Variants in GRIK4 observed in about 807,000 individuals in gnomAD.
GRIK4 encodes glutamate receptor ionotropic, kainate 4.
In GRIK4, 40 loss-of-function variants were observed where a neutral mutation model predicts 104.9. The observed-to-expected ratio is 0.38, with a 90% CI of 0.30 to 0.50. GRIK4 has a LOEUF of 0.50. GRIK4 is among the 20% of genes least tolerant of loss of function. The probability of loss-of-function intolerance (pLI) is 0.93; values close to 1 mark genes in which losing one functional copy is unlikely to be tolerated. For synonymous variants in GRIK4, 485 were observed against 524.9 expected, an observed-to-expected ratio of 0.92 and a Z score of 1.04; for missense variants, 1,047 against 1,308.1, an observed-to-expected ratio of 0.80 and a Z score of 3.08.
intron 1 of GRIK4, among the ~76,000 whole-genome samples, chr11:120,519,548 C>T (rs1947771240): frequency 6.6e-6 from 1 of 152,198 alleles, no homozygotes; most frequent in Non-Finnish European, 1.5e-5. Context: ...GAGAAACAAA[C>T]TTCTATTGTT....
At chr11:120,844,454 T>C (rs1445542911) in intron 8 of GRIK4, among the ~76,000 whole-genome samples, 2 of 152,202 alleles carry the variant, frequency 1.3e-5, no homozygotes, top group African/African-American at 2.4e-5. Flanking sequence ...TTCATCACCA[T>C]AGATCCAGTG....
In GRIK4 at chr11:120,905,292, G is replaced by A. The variant is rs2156634; in HGVS notation, c.1275G>A (p.Glu425=). The change falls in exon 13 of 21, where the codon GAG becomes GAA. Residue 425 remains glutamate, a splice_region_variant and synonymous_variant. Transcript: ENST00000527524. This position sits in a 1 kb window ranked among gnomAD's most constrained non-coding sequence, Gnocchi z 5.1. The part of the protein sequence containing the change: ...NTTLVVTTIL[E]NPYLMLKGNH... ...ACAGCTGCCCAGTTTTGCTGCAGGA[G>A]AACCCATATTTAATGCTGAAGGGGA... 1,379,708 of 1,608,732 alleles carry A rather than the reference G, an allele frequency of 0.86. 592,800 individuals are homozygous for A. Among genetic ancestry groups the A allele is most frequent in the African/African-American group, 0.95 (70,806 of 74,910 alleles).
intron 3 of GRIK4, among the ~76,000 whole-genome samples, chr11:120,710,347 G>T (rs982111714): frequency 6.6e-6 from 1 of 152,204 alleles, no homozygotes; most frequent in Admixed American, 6.5e-5. Flanking sequence ...GAGGTTAGGA[G>T]GTCTGACTGA....
chr11:120,538,495 C>T (rs1948001498), intron 1 of GRIK4, among the ~76,000 whole-genome samples: 1 of 152,252 alleles, frequency 6.6e-6, no homozygotes, highest in South Asian at 2.1e-4. Context: ...AGCAGATTTC[C>T]CTTTCCTTTC....
chr11:120,935,594 T>G (rs1943579026), intron 13 of GRIK4, among the ~76,000 whole-genome samples: 2 of 152,210 alleles, frequency 1.3e-5, no homozygotes, highest in Non-Finnish European at 2.9e-5. Flanking sequence ...GTATTTACTT[T>G]GAAGCACTCA....
chr11:120,781,320 G>T (rs1004059358), intron 3 of GRIK4, among the ~76,000 whole-genome samples: 22 of 151,976 alleles, frequency 1.4e-4, no homozygotes, highest in African/African-American at 4.8e-4. Flanking sequence ...TGGGCATGGG[G>T]TCTGGCAATT....
intron 3 of GRIK4, among the ~76,000 whole-genome samples, chr11:120,781,799 C>G (rs1952162773): frequency 6.6e-6 from 1 of 152,146 alleles, no homozygotes; most frequent in Non-Finnish European, 1.5e-5. Context: ...GGTTTAGAAC[C>G]CTCCAGTGAC....
Position 120,811,838 on chromosome 11 carries a change from T to A in GRIK4, c.248-3540T>A, listed in dbSNP as rs149916599. 1.1e-3 allele frequency among the ~76,000 whole-genome samples: 162 copies of A among 152,340 alleles called. 5 individuals carry two copies. In the East Asian group the frequency reaches 0.028, roughly 26 times the overall value. On this transcript the variant is annotated intron_variant, in intron 4 of 20. Coordinates refer to ENST00000527524, the MANE Select transcript of GRIK4 (RefSeq NM_014619.5). Reference sequence around the variant, plus strand: ...TACTTATTCCCTTATGATTATACATTTAGTTTATTTCCAGTTTTGCATGGA... The same window carrying A: ...TACTTATTCCCTTATGATTATACATATAGTTTATTTCCAGTTTTGCATGGA...
At chr11:120,797,161 A>C (rs962742160) in intron 3 of GRIK4, among the ~76,000 whole-genome samples, 5 of 152,128 alleles carry the variant, frequency 3.3e-5, no homozygotes, top group Non-Finnish European at 7.4e-5. Flanking sequence ...ATGGATGGAA[A>C]GAGCGGGAAG....
At chr11:120,854,983 T>C (rs796863253) in intron 8 of GRIK4, among the ~76,000 whole-genome samples, 25 of 152,294 alleles carry the variant, frequency 1.6e-4, no homozygotes, top group African/African-American at 6.0e-4. Context: ...TCCAGGACAG[T>C]TATTCTCCTA....
chr11:120,584,895 G>A (rs1031564762), intron 1 of GRIK4, among the ~76,000 whole-genome samples: 2 of 152,200 alleles, frequency 1.3e-5, no homozygotes, highest in South Asian at 2.1e-4. Context: ...TGCATCCCAG[G>A]GATAAAGCCT....
In GRIK4 at chr11:120,903,291, C is replaced by A. The variant is rs1289247763; in HGVS notation, c.1273-1999C>A. The stretch of plus-strand genomic sequence containing the variant: ...CAGCTCTCCTCTGTCCCTGTCGCAT[C>A]CCCTGAGCGGCTCTGCTGAAAATCT... On this transcript the variant is annotated intron_variant, in intron 12 of 20. Coordinates refer to ENST00000527524, the MANE Select transcript of GRIK4 (RefSeq NM_014619.5). The surrounding 1 kb of genome is among the most constrained non-coding windows in gnomAD (Gnocchi z 4.4). Among the ~76,000 whole-genome samples the A allele has an allele frequency of 1.3e-5, 2 of 152,146 alleles. No homozygotes were observed. Among genetic ancestry groups the A allele is most frequent in the African/African-American group, 4.8e-5 (2 of 41,424 alleles).
intron 1 of GRIK4, among the ~76,000 whole-genome samples, chr11:120,526,043 A>G (rs1027863252): frequency 3.9e-5 from 6 of 152,184 alleles, no homozygotes; most frequent in African/African-American, 1.2e-4. Context: ...TATAAAGTTC[A>G]AAAACAGGCG....
At chr11:120,631,520 C>T (rs1949333488) in intron 1 of GRIK4, among the ~76,000 whole-genome samples, 1 of 152,140 alleles carries the variant, frequency 6.6e-6, no homozygotes, top group South Asian at 2.1e-4. Flanking sequence ...GAGAGAGTGA[C>T]AAGCCTGGTA....
intron 13 of GRIK4, among the ~76,000 whole-genome samples, chr11:120,933,649 C>T (rs1239466647): frequency 3.3e-5 from 5 of 152,178 alleles, no homozygotes; most frequent in East Asian, 3.8e-4. Context: ...GATATGGCAG[C>T]GCTCTACAGT....
intron 1 of GRIK4, among the ~76,000 whole-genome samples, chr11:120,580,544 G>A (rs920241844): frequency 1.5e-4 from 22 of 151,536 alleles, no homozygotes; most frequent in Admixed American, 7.9e-4. Context: ...TGGGATTACA[G>A]GTGTGAGCCA....
At chr11:120,758,040 C>A (rs1007087297) in intron 3 of GRIK4, among the ~76,000 whole-genome samples, 9 of 152,164 alleles carry the variant, frequency 5.9e-5, no homozygotes, top group African/African-American at 2.2e-4. Flanking sequence ...AAGTGGGGAT[C>A]ACTTGGCCCC....
chr11:120,600,666 T>C (rs983376579), intron 1 of GRIK4, among the ~76,000 whole-genome samples: 1 of 152,204 alleles, frequency 6.6e-6, no homozygotes, highest in Non-Finnish European at 1.5e-5. Context: ...TCCCTGGCAT[T>C]ACAGGCAGCA....
intron 20 of GRIK4, among the ~76,000 whole-genome samples, chr11:120,982,696 C>T (rs1019594702): frequency 5.9e-5 from 9 of 152,160 alleles, no homozygotes; most frequent in African/African-American, 1.9e-4. Flanking sequence ...TTCTTCCAAC[C>T]CACCCCAGGG....
Sources: allele counts gnomAD v4.1 joint callset (sites outside exome capture counted in the v4.1 genomes callset), GRCh38; gene constraint gnomAD v4.1.1; non-coding constraint Gnocchi (gnomAD v3.1); transcripts MANE v1.5; gene names NCBI Gene and HGNC (gene_info 2026-07-23, HGNC 2026-07-21).